The following TNRC6B variants were observed in gnomAD, a reference collection of about 807,000 sequenced individuals.
The protein encoded by TNRC6B is trinucleotide repeat containing adaptor 6B.
A neutral mutation model predicts 203.6 loss-of-function variants in TNRC6B; 52 were observed. That is an observed-to-expected ratio of 0.26 (90% CI 0.20 to 0.32). The LOEUF is 0.32. Among genes scored for constraint, TNRC6B ranks in the 10% least tolerant of loss-of-function variants. The probability of loss-of-function intolerance (pLI) is 1.00; values close to 1 mark genes in which losing one functional copy is unlikely to be tolerated. For missense variants in TNRC6B, 1,923 were observed against 2,286.2 expected, an observed-to-expected ratio of 0.84 and a Z score of 3.24; for synonymous variants, 838 against 845.7, an observed-to-expected ratio of 0.99 and a Z score of 0.16.
At chr22:40,155,254 C>T (rs552581556) in intron 3 of TNRC6B, among the ~76,000 whole-genome samples, 13 of 152,100 alleles carry the variant, frequency 8.5e-5, no homozygotes, top group African/African-American at 2.2e-4. Flanking sequence ...ACAGTAAATG[C>T]ATCTTCAAAT....
At position 40,102,097 on chromosome 22, in the gene TNRC6B, G is replaced by A. The variant is rs537886974; in HGVS notation, c.-120-14958G>A. The stretch of plus-strand genomic sequence containing the variant: ...ATATAAAAGAACTGTTAATTTCTAA[G>A]GGTTAGTTTAAACCCTATTTAGAAA... On this transcript the variant is annotated intron_variant, in intron 1 of 23. Transcript: ENST00000301923. Among the ~76,000 whole-genome samples, 175 of 152,224 alleles carry A rather than the reference G, an allele frequency of 1.1e-3. 1 individual carries two copies. The highest frequency in any genetic ancestry group is 3.4e-3 in the Middle Eastern group (1 of 294).
intron 1 of TNRC6B, among the ~76,000 whole-genome samples, chr22:40,189,162 C>T (rs550801338): frequency 3.9e-5 from 6 of 152,236 alleles, no homozygotes; most frequent in African/African-American, 9.6e-5. Flanking sequence ...TTGTCTTCCC[C>T]GTCCAGGGTA....
chr22:40,282,279 T>C (rs2070728903), intron 11 of TNRC6B, among the ~76,000 whole-genome samples: 1 of 152,244 alleles, frequency 6.6e-6, no homozygotes, highest in Admixed American at 6.5e-5. Flanking sequence ...ATAGGTCTCT[T>C]ATATGCTTTC....
intron 1 of TNRC6B, among the ~76,000 whole-genome samples, chr22:40,242,135 T>C (rs2070036767): frequency 6.6e-6 from 1 of 152,188 alleles, no homozygotes. Context: ...ATTTGGATAT[T>C]GCTTGTTCTC....
intron 3 of TNRC6B, among the ~76,000 whole-genome samples, chr22:40,253,900 G>A (rs1248998405): frequency 6.6e-6 from 1 of 152,158 alleles, no homozygotes; most frequent in Non-Finnish European, 1.5e-5. Flanking sequence ...CAGGCAATCT[G>A]CCCTTCACTC....
Position 40,148,283 on chromosome 22 carries a change from C to CTT in TNRC6B, c.46-7814_46-7813dup, listed in dbSNP as rs907310952. Among the ~76,000 whole-genome samples the CTT allele has an allele frequency of 1.0e-3, 131 of 128,766 alleles. 1 individual carries two copies. The highest frequency in any genetic ancestry group is 3.1e-3 in the African/African-American group (110 of 34,986). 84.5% of individuals were successfully genotyped at this position (128,766 alleles called of 152,430 possible). A position where few individuals can be genotyped will look rare whatever the true frequency, so the allele number is the denominator to read the frequency against. On this transcript the variant is annotated intron_variant, in intron 3 of 23. Coordinates refer to the TNRC6B transcript ENST00000301923. ...CTACAACCACGTTGGAAAACAGTTT[C>CTT]TTTTTTTTTTTTTTTTTTTGAGACA...
chr22:40,176,122 C>CTTTTT (rs984617603), upstream of TNRC6B, among the ~76,000 whole-genome samples: 1 of 132,000 alleles, frequency 7.6e-6, no homozygotes, highest in Admixed American at 7.7e-5. Context: ...TTCTCATGCA[C>CTTTTT]TTTTTTTTTT....
chr22:40,253,675 A>C (rs2070227393), intron 3 of TNRC6B: 1 of 456,344 alleles, frequency 2.2e-6, no homozygotes, highest in Non-Finnish European at 4.4e-6. Flanking sequence ...TAATTGTTAG[A>C]CAGCAAGTAA....
At chr22:40,254,713 C>T (rs2070243392) in intron 3 of TNRC6B, among the ~76,000 whole-genome samples, 1 of 152,164 alleles carries the variant, frequency 6.6e-6, no homozygotes, top group Admixed American at 6.5e-5. Context: ...CAGTGAAACT[C>T]TGTCTCTACT....
At chr22:40,116,001 T>C (rs1284944535) in intron 1 of TNRC6B, among the ~76,000 whole-genome samples, 1 of 152,206 alleles carries the variant, frequency 6.6e-6, no homozygotes, top group Non-Finnish European at 1.5e-5. Flanking sequence ...TGAGATGTAT[T>C]GATTCAAACA....
In TNRC6B at chr22:40,310,826, T is replaced by C. The variant is rs1290903821; in HGVS notation, c.4268T>C (p.Val1423Ala). The C allele has an allele frequency of 6.2e-7, 1 of 1,612,362 alleles. No individual in the cohort carries two copies. Among genetic ancestry groups the C allele is most frequent in the East Asian group, 2.2e-5 (1 of 44,854 alleles). Residue 1423 changes from valine (V) to alanine (A), a missense_variant, in exon 17 of 23, where the codon GTG becomes GCG. Val to Ala is a moderately conservative substitution (Grantham distance 64, BLOSUM62 0). Around this residue, in one of 8 missense-constraint regions of TNRC6B, gnomAD observed 242 missense variants for 399.5 expected, o/e 0.61. Transcript: ENST00000454349. The part of the protein sequence containing the change: ...EANMHKNGAI[V>A]APGKTRGGSP... ...TCCTCTCTTTTCTCAGGCGCTATAGTGGCCCCTGGTAAAACCCGGGGAGGG... is the reference window on the plus strand; with the variant it reads ...TCCTCTCTTTTCTCAGGCGCTATAGCGGCCCCTGGTAAAACCCGGGGAGGG...
In TNRC6B at chr22:40,047,781, C is replaced by T. The variant is rs1484590012; in HGVS notation, c.-121+2783C>T. On this transcript the variant is annotated intron_variant, in intron 1 of 23. Coordinates refer to the TNRC6B transcript ENST00000301923. ...TTTGTGCAGATTGCTGCTCCAGTCC[C>T]GGGCTATTGTGTATTGTGATAAATT... is the stretch of plus-strand genomic sequence containing the variant. Among the ~76,000 whole-genome samples, 4 of 152,144 alleles carry T rather than the reference C, an allele frequency of 2.6e-5. 1 individual carries two copies. Among genetic ancestry groups the T allele is most frequent in the South Asian group, 4.1e-4 (2 of 4,824 alleles).
At chr22:40,235,967 T>A (rs2069941808) in intron 1 of TNRC6B, among the ~76,000 whole-genome samples, 1 of 152,186 alleles carries the variant, frequency 6.6e-6, no homozygotes, top group South Asian at 2.1e-4. Context: ...AGCTCTCTTT[T>A]TTTAATTGAA....
intron 1 of TNRC6B, among the ~76,000 whole-genome samples, chr22:40,061,766 C>T (rs2067855146): frequency 6.6e-6 from 1 of 152,046 alleles, no homozygotes; most frequent in Admixed American, 6.6e-5. Context: ...TATAGTATCA[C>T]TTTCGTTATA....
intron 6 of TNRC6B, among the ~76,000 whole-genome samples, chr22:40,270,705 A>G (rs1436780158): frequency 6.6e-6 from 1 of 152,180 alleles, no homozygotes; most frequent in Non-Finnish European, 1.5e-5. Context: ...TGTTGATTCA[A>G]TGAGATTCAG....
Position 40,315,519 on chromosome 22 carries a change from CT to C in TNRC6B, c.4903+13del. The C allele has an allele frequency of 6.2e-7, 1 of 1,613,040 alleles. No individual in the cohort carries two copies. The highest frequency in any genetic ancestry group is 8.5e-7 in the Non-Finnish European group (1 of 1,179,170). On this transcript the variant is annotated intron_variant, in intron 20 of 22. Transcript: ENST00000454349. The stretch of plus-strand genomic sequence containing the variant: ...ACGGCTCGCCTCGGGTGAGGAGGAT[CT>C]GCCTAAAGGAACACCATTGTTCATC...
chr22:40,088,729 AC>A (rs1349727706), intron 1 of TNRC6B, among the ~76,000 whole-genome samples: 27 of 151,828 alleles, frequency 1.8e-4, no homozygotes, highest in Non-Finnish European at 4.4e-5. Flanking sequence ...TGCTGGGATT[AC>A]CTGTGTGAGC....
intron 1 of TNRC6B, among the ~76,000 whole-genome samples, chr22:40,085,790 G>T (rs2068095038): frequency 6.6e-6 from 1 of 152,136 alleles, no homozygotes; most frequent in South Asian, 2.1e-4. Flanking sequence ...TTACAAAATG[G>T]TAATATCCTA....
Position 40,165,429 on chromosome 22 carries a change from A to G in TNRC6B, c.113+9247A>G, listed in dbSNP as rs1601853069. On this transcript the variant is annotated intron_variant, in intron 4 of 23. Transcript: ENST00000301923. ...GGACTCAAGCAGTCCTCCCACCTCA[A>G]CCGCCCAAAGTACTTGGATTACAGG... Among the ~76,000 whole-genome samples the G allele has an allele frequency of 2.6e-5, 4 of 151,620 alleles. 1 individual carries two copies. Among genetic ancestry groups the G allele is most frequent in the Admixed American group, 2.6e-4 (4 of 15,208 alleles).
Sources: gnomAD v4.1 joint callset for allele counts (sites outside exome capture counted in the v4.1 genomes callset) on GRCh38, gnomAD v4.1.1 for gene constraint, gnomAD v4.1.1 regional missense constraint, MANE v1.5 for transcripts, NCBI Gene and HGNC (gene_info 2026-07-23, HGNC 2026-07-21) for gene names.